Variants in TWIST2 observed in about 807,000 individuals in gnomAD.
TWIST2 encodes the protein twist-related protein 2.
In TWIST2, 1 loss-of-function variant was observed where a neutral mutation model predicts 11.6. The ratio of observed to expected loss-of-function variants is 0.09; its 90% CI spans 0.03 to 0.41. The LOEUF is 0.41. Among genes scored for constraint, TWIST2 ranks in the 10% least tolerant of loss-of-function variants. TWIST2 has a pLI of 0.98. For missense variants in TWIST2, 168 were observed against 226.4 expected, an observed-to-expected ratio of 0.74 and a Z score of 1.66; for synonymous variants, 87 against 96.6, an observed-to-expected ratio of 0.90 and a Z score of 0.58.
chr2:238,881,034 A>ATTAG (rs907099221), intron 1 of TWIST2, among the ~76,000 whole-genome samples: 2 of 90,292 alleles, frequency 2.2e-5, no homozygotes, highest in African/African-American at 8.7e-5. Flanking sequence ...ATTTATTAGT[A>ATTAG]TTAGTTACTA....
At chr2:238,887,351 C>G (rs757701991) in intron 1 of TWIST2, 1 of 152,204 alleles carries the variant, frequency 6.6e-6, no homozygotes, top group African/African-American at 2.4e-5. Context: ...ATCTCGCTCT[C>G]TCTGTCTCTT....
At chr2:238,860,021 G>A (rs1041096687) in intron 1 of TWIST2, among the ~76,000 whole-genome samples, 1 of 152,160 alleles carries the variant, frequency 6.6e-6, no homozygotes, top group Non-Finnish European at 1.5e-5. Context: ...CTGTAGTGGG[G>A]GAGTCTGGTA....
chr2:238,905,218 C>T (rs938390387), intron 1 of TWIST2, among the ~76,000 whole-genome samples: 4 of 150,924 alleles, frequency 2.7e-5, no homozygotes, highest in Non-Finnish European at 4.4e-5. Context: ...ATTAGGGCCC[C>T]GGTCTGGTGT....
chr2:238,900,547 A>C (rs2106372810), intron 1 of TWIST2, among the ~76,000 whole-genome samples: 1 of 152,334 alleles, frequency 6.6e-6, no homozygotes, highest in South Asian at 2.1e-4. Context: ...TTTGGACAGA[A>C]GGCATTTCTA....
chr2:238,892,214 G>T (rs1348907586), intron 1 of TWIST2, among the ~76,000 whole-genome samples: 1 of 152,096 alleles, frequency 6.6e-6, no homozygotes, highest in Admixed American at 6.5e-5. Flanking sequence ...ACCTCACGGC[G>T]GAACGCAGAC....
rs1255819451 is a variant in TWIST2 at position 238,867,414 on chromosome 2, C to CACACACACACACACACACACACACA, written c.*35+18681_*35+18682insACACACACACACACACACACACACA. ...ACACACACACACACACACACACACT[C>CACACACACACACACACACACACACA]CTCAGTAAAATACCCAGTTCTCACC... On this transcript the variant is annotated intron_variant, in intron 1 of 1. Coordinates refer to ENST00000612363, the MANE Select transcript of TWIST2 (RefSeq NM_001271893.4). The surrounding 1 kb of genome is among the most constrained non-coding windows in gnomAD (Gnocchi z 4.8). Among the ~76,000 whole-genome samples, 1 of 147,450 alleles carries CACACACACACACACACACACACACA rather than the reference C, an allele frequency of 6.8e-6. No homozygotes were observed. Among genetic ancestry groups the CACACACACACACACACACACACACA allele is most frequent in the East Asian group, 2.0e-4 (1 of 5,058 alleles).
rs548562162 is a variant in TWIST2, at chr2:238,875,102, G to A, written c.*35+26369G>A. Among the ~76,000 whole-genome samples, 8 of 152,270 alleles carry A rather than the reference G, an allele frequency of 5.3e-5. No individual in the cohort carries two copies. In the South Asian group the frequency reaches 1.7e-3, roughly 32 times the overall value. ...GCTACCAGAAGACTCAGGACACAAT[G>A]CAGAAAATACGAAATACATTCATTC... On this transcript the variant is annotated intron_variant, in intron 1 of 1. Coordinates refer to ENST00000612363, the MANE Select transcript of TWIST2 (RefSeq NM_001271893.4).
rs183377739 is a variant in TWIST2, at chr2:238,857,298, G to A, written c.*35+8565G>A. Among the ~76,000 whole-genome samples the A allele has an allele frequency of 2.0e-3, 308 of 152,288 alleles. 1 individual carries two copies. Among genetic ancestry groups the A allele is most frequent in the Middle Eastern group, 6.8e-3 (2 of 294 alleles). On this transcript the variant is annotated intron_variant, in intron 1 of 1. Coordinates refer to ENST00000612363, the MANE Select transcript of TWIST2 (RefSeq NM_001271893.4). The stretch of plus-strand genomic sequence containing the variant: ...TGGACGGGCCTTGGAGCCCATCTTC[G>A]CTAAGGCCCAAGTCACCTATCAGCT...
At chr2:238,884,457 C>T (rs1692995047) in intron 1 of TWIST2, among the ~76,000 whole-genome samples, 1 of 152,218 alleles carries the variant, frequency 6.6e-6, no homozygotes, top group African/African-American at 2.4e-5. Flanking sequence ...TGTAGGGCTT[C>T]TTCCCCTCCC....
chr2:238,897,364 G>A (rs1396049164), intron 1 of TWIST2, among the ~76,000 whole-genome samples: 2 of 152,076 alleles, frequency 1.3e-5, no homozygotes, highest in Non-Finnish European at 2.9e-5. Flanking sequence ...GAGCCACGGA[G>A]TTTGGCCAGG....
At chr2:238,861,842 C>T (rs1255271725) in intron 1 of TWIST2, among the ~76,000 whole-genome samples, 1 of 152,224 alleles carries the variant, frequency 6.6e-6, no homozygotes, top group African/African-American at 2.4e-5. Context: ...TTCTGAGTAT[C>T]TTGATGAAAT....
chr2:238,885,095 C>T (rs1693009332), intron 1 of TWIST2, among the ~76,000 whole-genome samples: 1 of 152,214 alleles, frequency 6.6e-6, no homozygotes, highest in Non-Finnish European at 1.5e-5. Context: ...GCCTCTCAGC[C>T]CTCAGTGCCC....
At chr2:238,902,753 G>A (rs1693288375) in intron 1 of TWIST2, among the ~76,000 whole-genome samples, 1 of 124,750 alleles carries the variant, frequency 8.0e-6, no homozygotes, top group Admixed American at 7.9e-5. Context: ...TGGGTGTGAT[G>A]GGTATGTGCG....
chr2:238,863,236 A>G lies in TWIST2; in HGVS notation c.*35+14503A>G, dbSNP rs968997450. On this transcript the variant is annotated intron_variant, in intron 1 of 1. Transcript: ENST00000612363. This position sits in a 1 kb window ranked among gnomAD's most constrained non-coding sequence, Gnocchi z 4.7. Reference sequence around the variant, plus strand: ...TGCAGTGAAAATACAGCTGCCATCCACATAGGAATGCCCTCACCGCAACCC... The same window carrying G: ...TGCAGTGAAAATACAGCTGCCATCCGCATAGGAATGCCCTCACCGCAACCC... Among the ~76,000 whole-genome samples the G allele has an allele frequency of 6.6e-6, 1 of 152,142 alleles. No individual in the cohort carries two copies. Among genetic ancestry groups the G allele is most frequent in the African/African-American group, 2.4e-5 (1 of 41,418 alleles).
chr2:238,902,700 T>G (rs1326728846), intron 1 of TWIST2, among the ~76,000 whole-genome samples: 1 of 120,106 alleles, frequency 8.3e-6, no homozygotes, highest in African/African-American at 3.3e-5. Flanking sequence ...TGGGGTGTGA[T>G]GTGTGAGGTG....
At chr2:238,870,052 T>C (rs143006922) in intron 1 of TWIST2, among the ~76,000 whole-genome samples, 8,197 of 134,384 alleles carry the variant, frequency 0.061, 784 homozygotes, top group African/African-American at 0.21. Flanking sequence ...GTACGGAGGG[T>C]CCTCAAAAAA....
chr2:238,853,448 G>GGAGAGAGAGAGAGAGAGA (rs375821278), intron 1 of TWIST2, among the ~76,000 whole-genome samples: 3 of 130,630 alleles, frequency 2.3e-5, no homozygotes, highest in Non-Finnish European at 3.2e-5. Context: ...AGGGAGAGAT[G>GGAGAGAGAGAGAGAGAGA]GAGAGAGAGA....
chr2:238,896,748 C>T (rs1012903550), intron 1 of TWIST2, among the ~76,000 whole-genome samples: 5 of 152,198 alleles, frequency 3.3e-5, no homozygotes, highest in South Asian at 2.1e-4. Context: ...TGGGGCCAGC[C>T]GCTGCCACAC....
At chr2:238,882,054 G>GTCTC (rs143351834) in intron 1 of TWIST2, among the ~76,000 whole-genome samples, 3 of 151,518 alleles carry the variant, frequency 2.0e-5, no homozygotes, top group Non-Finnish European at 2.9e-5. Context: ...CTCTGTTTCT[G>GTCTC]TCTCTCTCTC....
Sources: allele counts gnomAD v4.1 joint callset (sites outside exome capture counted in the v4.1 genomes callset), GRCh38; gene constraint gnomAD v4.1.1; non-coding constraint Gnocchi (gnomAD v3.1); transcripts MANE v1.5; gene names NCBI Gene and HGNC (gene_info 2026-07-23, HGNC 2026-07-21).